Variants in BCAS3 observed in about 807,000 individuals in gnomAD.
The protein encoded by BCAS3 is BCAS4/BCAS3 fusion.
In BCAS3, 53 loss-of-function variants were observed where a neutral mutation model predicts 116.1. The ratio of observed to expected loss-of-function variants is 0.46; its 90% CI spans 0.37 to 0.57. The LOEUF (loss-of-function observed/expected upper bound fraction) is 0.57, where lower values mean the gene tolerates loss of function less well. BCAS3 is among the 20% of genes least tolerant of loss of function. BCAS3 has a pLI of 0.00. For synonymous variants in BCAS3, 391 were observed against 408.2 expected (o/e 0.96, Z 0.51); for missense variants, 917 against 1,165.4 (o/e 0.79, Z 3.10).
chr17:60,794,950 G>T (rs1276049905), intron 6 of BCAS3, among the ~76,000 whole-genome samples: 2 of 152,048 alleles, frequency 1.3e-5, no homozygotes. Flanking sequence ...AGTGATGGTG[G>T]TATTTTGATG....
chr17:60,993,895 T>A lies in BCAS3; in HGVS notation c.1486+3660T>A, dbSNP rs2063685924. On this transcript the variant is annotated intron_variant, in intron 15 of 23. Coordinates refer to ENST00000407086, the MANE Select transcript of BCAS3 (RefSeq NM_017679.5). This position sits in a 1 kb window ranked among gnomAD's most constrained non-coding sequence, Gnocchi z 4.2. ...ATCTATTTGCCAATTTTTTTAACTT[T>A]CCAGAGGATGTTTATTTATTTGAAA... Among the ~76,000 whole-genome samples, 1 of 152,188 alleles carries A rather than the reference T, an allele frequency of 6.6e-6. No homozygotes were observed. Among genetic ancestry groups the A allele is most frequent in the Non-Finnish European group, 1.5e-5 (1 of 68,020 alleles).
intron 7 of BCAS3, among the ~76,000 whole-genome samples, chr17:60,863,162 C>T (rs566193461): frequency 6.6e-6 from 1 of 152,032 alleles, no homozygotes; most frequent in Non-Finnish European, 1.5e-5. Flanking sequence ...CAAAAATGAT[C>T]TTTTCATCAT....
rs1211321087 is a variant in BCAS3, at chr17:61,140,140, G to A, written c.2425+55576G>A. Among the ~76,000 whole-genome samples the A allele has an allele frequency of 6.6e-6, 1 of 152,162 alleles. No individual in the cohort carries two copies. The highest frequency in any genetic ancestry group is 2.4e-5 in the African/African-American group (1 of 41,430). ...TAAACCCAGCTACTCAGGAGGCTGA[G>A]GCAGGAGAATCACTGGAACCCAGAA... On this transcript the variant is annotated intron_variant, in intron 22 of 23. Transcript: ENST00000407086. The surrounding 1 kb of genome is among the most constrained non-coding windows in gnomAD (Gnocchi z 4.2).
chr17:60,759,305 TC>T (rs761176030), intron 6 of BCAS3, among the ~76,000 whole-genome samples: 1 of 152,232 alleles, frequency 6.6e-6, no homozygotes, highest in Non-Finnish European at 1.5e-5. Context: ...ACATAGCAAG[TC>T]CCCATCTCTG....
In BCAS3 at chr17:61,300,820, C is replaced by T. The variant is rs2034573570; in HGVS notation, c.2426-67507C>T. Reference sequence around the variant, plus strand: ...ATTTTGTTCCAGCAGCTTTCCTCCTCCCTCCCTCTTCTAGCCTCTGCCCAG... The same window carrying T: ...ATTTTGTTCCAGCAGCTTTCCTCCTTCCTCCCTCTTCTAGCCTCTGCCCAG... On this transcript the variant is annotated intron_variant, in intron 22 of 23. Coordinates refer to ENST00000407086, the MANE Select transcript of BCAS3 (RefSeq NM_017679.5). This position sits in a 1 kb window ranked among gnomAD's most constrained non-coding sequence, Gnocchi z 5.1. Among the ~76,000 whole-genome samples the T allele has an allele frequency of 2.6e-5, 4 of 152,134 alleles. No homozygotes were observed.
chr17:61,167,309 G>A (rs928936042), intron 22 of BCAS3, among the ~76,000 whole-genome samples: 1 of 152,158 alleles, frequency 6.6e-6, no homozygotes, highest in Non-Finnish European at 1.5e-5. Flanking sequence ...CACTGATAAA[G>A]TCCTTATCTA....
intron 5 of BCAS3, chr17:60,727,500 TC>T: frequency 6.7e-7 from 1 of 1,484,422 alleles, no homozygotes; most frequent in Non-Finnish European, 9.0e-7. Context: ...GCAGGGCTGT[TC>T]CGTCTATGTG....
At chr17:60,761,356 G>A (rs1014549119) in intron 6 of BCAS3, among the ~76,000 whole-genome samples, 6 of 151,124 alleles carry the variant, frequency 4.0e-5, no homozygotes, top group East Asian at 3.9e-4. Flanking sequence ...ATGCTCTCCC[G>A]CCCCCATGCC....
At position 61,151,273 on chromosome 17, in the gene BCAS3, T is replaced by C. The variant is rs996190960; in HGVS notation, c.2425+66709T>C. 5.9e-5 allele frequency among the ~76,000 whole-genome samples: 9 copies of C among 152,172 alleles called. No homozygotes were observed. The highest frequency in any genetic ancestry group is 1.3e-4 in the Non-Finnish European group (9 of 68,034). On this transcript the variant is annotated intron_variant, in intron 22 of 23. Transcript: ENST00000407086. This position sits in a 1 kb window ranked among gnomAD's most constrained non-coding sequence, Gnocchi z 4.8. Reference sequence around the variant, plus strand: ...ATTAGGGATTCTCAACCAGTAAGTATATAATGCAAATATTCTAAGATCTGA... The same window carrying C: ...ATTAGGGATTCTCAACCAGTAAGTACATAATGCAAATATTCTAAGATCTGA...
At chr17:61,342,248 AC>A (rs1383997313) in intron 22 of BCAS3, among the ~76,000 whole-genome samples, 9 of 152,230 alleles carry the variant, frequency 5.9e-5, no homozygotes, top group African/African-American at 1.9e-4. Flanking sequence ...ACAACGGTGC[AC>A]AATTGAAGGG....
At chr17:60,737,973 G>A (rs758690863) in intron 5 of BCAS3, among the ~76,000 whole-genome samples, 17 of 152,092 alleles carry the variant, frequency 1.1e-4, no homozygotes, top group Non-Finnish European at 1.9e-4. Context: ...TTTTAGTAGA[G>A]ATGGGGTTTC....
chr17:61,045,667 T>G lies in BCAS3; in HGVS notation c.2029+4775T>G, dbSNP rs558030706. 1.2e-4 allele frequency among the ~76,000 whole-genome samples: 18 copies of G among 145,686 alleles called. No individual in the cohort carries two copies. The East Asian group carries it at 3.7e-3, about 30-fold the overall frequency. ...CCCATCTCTACTAAAAATACAAAAT[T>G]TAGCCAGGTGTGGTGGCGCGCACCT... On this transcript the variant is annotated intron_variant, in intron 19 of 23. Coordinates refer to ENST00000407086, the MANE Select transcript of BCAS3 (RefSeq NM_017679.5).
intron 19 of BCAS3, among the ~76,000 whole-genome samples, chr17:61,060,796 C>A (rs776721977): frequency 1.3e-4 from 20 of 152,174 alleles, no homozygotes; most frequent in Non-Finnish European, 2.6e-4. Flanking sequence ...ACTATTGTGT[C>A]TTTTTACCCA....
At chr17:61,001,098 C>A (rs2064206194) in intron 15 of BCAS3, among the ~76,000 whole-genome samples, 1 of 152,110 alleles carries the variant, frequency 6.6e-6, no homozygotes, top group African/African-American at 2.4e-5. Flanking sequence ...TTCCTATTAA[C>A]TTGTTCGTCC....
At chr17:60,749,300 G>C (rs1266689793) in intron 6 of BCAS3, among the ~76,000 whole-genome samples, 3 of 152,218 alleles carry the variant, frequency 2.0e-5, no homozygotes, top group Non-Finnish European at 2.9e-5. Context: ...AGGCATTGGT[G>C]TAACATTATG....
intron 7 of BCAS3, among the ~76,000 whole-genome samples, chr17:60,812,181 TA>T (rs2048894604): frequency 6.6e-6 from 1 of 152,248 alleles, no homozygotes; most frequent in South Asian, 2.1e-4. Context: ...TTGAATAGAG[TA>T]GACTCTTTAG....
At chr17:60,881,240 C>G (rs2056114541) in intron 9 of BCAS3, among the ~76,000 whole-genome samples, 1 of 152,178 alleles carries the variant, frequency 6.6e-6, no homozygotes, top group Non-Finnish European at 1.5e-5. Flanking sequence ...TCCCAAAGTG[C>G]TGGGATTACA....
At chr17:60,925,015 T>C (rs1219182167) in intron 13 of BCAS3, among the ~76,000 whole-genome samples, 1 of 152,066 alleles carries the variant, frequency 6.6e-6, no homozygotes, top group Non-Finnish European at 1.5e-5. Context: ...TTAATTTTCT[T>C]TTCACAATAT....
rs1396659850 is a variant in BCAS3 at position 61,181,677 on chromosome 17, A to G, written c.2425+97113A>G. Among the ~76,000 whole-genome samples the G allele has an allele frequency of 1.3e-5, 2 of 152,196 alleles. No individual in the cohort carries two copies. Among genetic ancestry groups the G allele is most frequent in the Non-Finnish European group, 2.9e-5 (2 of 68,018 alleles). ...CTTCTGTTACTCTGATCATCTACATATAGAGATACACTGGATGATAAGAGT... is the reference window on the plus strand; with the variant it reads ...CTTCTGTTACTCTGATCATCTACATGTAGAGATACACTGGATGATAAGAGT... On this transcript the variant is annotated intron_variant, in intron 22 of 23. Coordinates refer to ENST00000407086, the MANE Select transcript of BCAS3 (RefSeq NM_017679.5). The surrounding 1 kb of genome is among the most constrained non-coding windows in gnomAD (Gnocchi z 5.0).
Sources: gnomAD v4.1 joint callset for allele counts (sites outside exome capture counted in the v4.1 genomes callset) on GRCh38, gnomAD v4.1.1 for gene constraint, Gnocchi (gnomAD v3.1) non-coding constraint, MANE v1.5 for transcripts, NCBI Gene and HGNC (gene_info 2026-07-23, HGNC 2026-07-21) for gene names.